The following LRRTM4 variants were observed in gnomAD, a reference collection of about 807,000 sequenced individuals.
The protein encoded by LRRTM4 is leucine-rich repeat transmembrane neuronal protein 4.
In LRRTM4, 25 loss-of-function variants were observed where a neutral mutation model predicts 47.6. That is an observed-to-expected ratio of 0.53 (90% CI 0.38 to 0.73). The LOEUF (loss-of-function observed/expected upper bound fraction) is 0.73, where lower values mean the gene tolerates loss of function less well. Ranked by LOEUF, LRRTM4 falls within the 30% of genes least tolerant of loss-of-function variation. The pLI is 0.00. For synonymous variants in LRRTM4, 311 were observed against 269.5 expected (o/e 1.15, Z -1.51); for missense variants, 638 against 713.4 (o/e 0.89, Z 1.20).
intron 3 of LRRTM4, among the ~76,000 whole-genome samples, chr2:76,795,635 A>G (rs955230541): frequency 1.3e-5 from 2 of 152,134 alleles, no homozygotes; most frequent in African/African-American, 4.8e-5. Flanking sequence ...TGATGGACAC[A>G]GGTTGACTCC....
chr2:77,342,070 C>T (rs560601224), intron 3 of LRRTM4, among the ~76,000 whole-genome samples: 42 of 151,948 alleles, frequency 2.8e-4, no homozygotes, highest in African/African-American at 1.0e-3. Flanking sequence ...TTTCTCAGAG[C>T]CTTTTGCTAT....
intron 3 of LRRTM4, among the ~76,000 whole-genome samples, chr2:77,116,535 A>T (rs1054141521): frequency 6.6e-6 from 1 of 152,096 alleles, no homozygotes; most frequent in Admixed American, 6.6e-5. Flanking sequence ...TAGATTTCTC[A>T]TTTTCTAACC....
chr2:77,172,374 A>T (rs761565045), intron 3 of LRRTM4, among the ~76,000 whole-genome samples: 16 of 152,150 alleles, frequency 1.1e-4, no homozygotes, highest in Non-Finnish European at 2.4e-4. Context: ...AGGTGGGTAG[A>T]TCACGAGATC....
chr2:77,159,360 T>C (rs1398323753), intron 3 of LRRTM4, among the ~76,000 whole-genome samples: 2 of 152,020 alleles, frequency 1.3e-5, no homozygotes, highest in African/African-American at 4.8e-5. Flanking sequence ...GAAAGTGTTA[T>C]TAAGAAAATC....
chr2:77,426,593 C>G (rs1381597953), intron 3 of LRRTM4, among the ~76,000 whole-genome samples: 2 of 152,140 alleles, frequency 1.3e-5, no homozygotes, highest in Non-Finnish European at 2.9e-5. Context: ...ATTCATGGAG[C>G]AGTTACCCCC....
chr2:76,929,155 G>T (rs556771899), intron 3 of LRRTM4, among the ~76,000 whole-genome samples: 1 of 152,146 alleles, frequency 6.6e-6, no homozygotes, highest in African/African-American at 2.4e-5. Context: ...GCTCTGGAGC[G>T]CTTCAAGGAA....
chr2:77,503,513 TTA>T (rs1194536571), intron 3 of LRRTM4, among the ~76,000 whole-genome samples: 2 of 151,778 alleles, frequency 1.3e-5, no homozygotes, highest in South Asian at 2.1e-4. Flanking sequence ...TGGCATATAT[TTA>T]TACATGTGGG....
Position 77,176,079 on chromosome 2 carries a change from G to A in LRRTM4, c.1551+342239C>T, listed in dbSNP as rs113157773. Among the ~76,000 whole-genome samples, 244 of 151,360 alleles carry A rather than the reference G, an allele frequency of 1.6e-3. 1 individual carries two copies. The highest frequency in any genetic ancestry group is 1.1e-3 in the Non-Finnish European group (77 of 67,900). ...TAATTCATTATATTTAAGTTCTTTC[G>A]AACACCGGAGATCCCCTTAATGTGT... On this transcript the variant is annotated intron_variant, in intron 3 of 3. Coordinates refer to ENST00000409884, the MANE Select transcript of LRRTM4 (RefSeq NM_001134745.3).
intron 3 of LRRTM4, among the ~76,000 whole-genome samples, chr2:76,844,243 T>A (rs1432823258): frequency 6.6e-6 from 1 of 152,086 alleles, no homozygotes; most frequent in African/African-American, 2.4e-5. Flanking sequence ...CAAGCTATTC[T>A]CCTGCCTCAG....
At chr2:77,084,747 T>C (rs1306694222) in intron 3 of LRRTM4, among the ~76,000 whole-genome samples, 2 of 152,178 alleles carry the variant, frequency 1.3e-5, no homozygotes, top group Non-Finnish European at 2.9e-5. Flanking sequence ...TTTCATAATA[T>C]TGTCATAAGA....
intron 3 of LRRTM4, among the ~76,000 whole-genome samples, chr2:77,354,446 G>A (rs937004206): frequency 5.3e-5 from 8 of 152,032 alleles, no homozygotes; most frequent in African/African-American, 1.9e-4. Context: ...GGTGGGTAAT[G>A]CTTCAGCGGT....
intron 3 of LRRTM4, among the ~76,000 whole-genome samples, chr2:76,968,383 T>TATATACACACAC (rs797010446): frequency 2.7e-5 from 3 of 111,426 alleles, no homozygotes; most frequent in East Asian, 3.3e-4. Context: ...TATATATATA[T>TATATACACACAC]ACACATACAT....
chr2:77,059,041 T>C (rs1193009524), intron 3 of LRRTM4, among the ~76,000 whole-genome samples: 1 of 152,172 alleles, frequency 6.6e-6, no homozygotes, highest in Non-Finnish European at 1.5e-5. Flanking sequence ...AGTTTGTCAT[T>C]TTGAAAACAA....
At chr2:76,873,370 A>G (rs1293710467) in intron 3 of LRRTM4, among the ~76,000 whole-genome samples, 2 of 151,746 alleles carry the variant, frequency 1.3e-5, no homozygotes, top group East Asian at 3.9e-4. Flanking sequence ...AGTCATCTGT[A>G]TATACACACA....
intron 3 of LRRTM4, among the ~76,000 whole-genome samples, chr2:76,954,473 G>C (rs934860047): frequency 6.6e-6 from 1 of 151,386 alleles, no homozygotes; most frequent in Non-Finnish European, 1.5e-5. Context: ...CTTGAAGATA[G>C]GTCATTTGAA....
At chr2:77,280,310 G>A (rs1347164446) in intron 3 of LRRTM4, among the ~76,000 whole-genome samples, 2 of 152,094 alleles carry the variant, frequency 1.3e-5, no homozygotes, top group East Asian at 3.9e-4. Context: ...CTCACAACTT[G>A]ATTTTAGCCT....
At chr2:77,510,777 T>C (rs1256547323) in intron 3 of LRRTM4, among the ~76,000 whole-genome samples, 1 of 152,038 alleles carries the variant, frequency 6.6e-6, no homozygotes, top group Non-Finnish European at 1.5e-5. Flanking sequence ...TTACTCACCT[T>C]TTAGTTTTTA....
intron 3 of LRRTM4, among the ~76,000 whole-genome samples, chr2:76,898,553 CAAAAAAAAAAAAA>C (rs56345618): frequency 1.7e-3 from 108 of 63,554 alleles, no homozygotes; most frequent in African/African-American, 6.2e-3. Flanking sequence ...AGCTCCGTCT[CAAAAAAAAAAAAA>C]AAAAAAAAAA....
At chr2:76,770,827 C>G (rs1029308017) in intron 3 of LRRTM4, among the ~76,000 whole-genome samples, 2 of 152,132 alleles carry the variant, frequency 1.3e-5, no homozygotes, top group Admixed American at 1.3e-4. Context: ...ATTTAAATTT[C>G]TAATTGTTTC....
Sources: allele counts gnomAD v4.1 joint callset (sites outside exome capture counted in the v4.1 genomes callset), GRCh38; gene constraint gnomAD v4.1.1; transcripts MANE v1.5; gene names NCBI Gene and HGNC (gene_info 2026-07-23, HGNC 2026-07-21).